SLC2A9: variants seen among roughly 807,000 people sequenced by gnomAD.
SLC2A9 encodes solute carrier family 2, facilitated glucose transporter member 9.
In SLC2A9, 39 loss-of-function variants were observed where a neutral mutation model predicts 50.6. The ratio of observed to expected loss-of-function variants is 0.77; its 90% CI spans 0.60 to 1.01. SLC2A9 has a LOEUF of 1.01. Among genes scored for constraint, SLC2A9 ranks in the 50% least tolerant of loss-of-function variants. The pLI is 0.00. For synonymous variants in SLC2A9, 324 were observed against 276.9 expected (o/e 1.17, Z -1.69); for missense variants, 686 against 677.6 (o/e 1.01, Z -0.14).
chr4:9,869,090 C>T (rs1482024170), intron 10 of SLC2A9, among the ~76,000 whole-genome samples: 3 of 152,192 alleles, frequency 2.0e-5, no homozygotes, highest in Non-Finnish European at 4.4e-5. Context: ...TATGTATTGA[C>T]AGAGCCTATT....
At chr4:10,004,911 A>C (rs1760498267) in intron 2 of SLC2A9, among the ~76,000 whole-genome samples, 1 of 152,240 alleles carries the variant, frequency 6.6e-6, no homozygotes, top group South Asian at 2.1e-4. Context: ...TGTGGTAGGT[A>C]ACCTCTAGGC....
intron 3 of SLC2A9, among the ~76,000 whole-genome samples, chr4:9,790,755 C>A (rs1469828874): frequency 6.6e-6 from 1 of 152,088 alleles, no homozygotes; most frequent in Non-Finnish European, 1.5e-5. Context: ...GGGAATAGGG[C>A]CTAAGCTTCA....
Position 9,887,650 on chromosome 4 carries a change from A to T in SLC2A9, c.1216-8T>A, listed in dbSNP as rs1295592410. ...GACCCAGGGGGCGTGGTCCTGGGAGAGAACAGGGAGTGGTCAGGTGAGGAG... is the reference window on the plus strand; with the variant it reads ...GACCCAGGGGGCGTGGTCCTGGGAGTGAACAGGGAGTGGTCAGGTGAGGAG... On this transcript the variant is annotated splice_polypyrimidine_tract_variant and splice_region_variant and intron_variant, in intron 9 of 11. Coordinates refer to ENST00000264784, the MANE Select transcript of SLC2A9 (RefSeq NM_020041.3). 3 of 1,511,498 alleles carry T rather than the reference A, an allele frequency of 2.0e-6. No homozygotes were observed. Among genetic ancestry groups the T allele is most frequent in the Non-Finnish European group, 2.7e-6 (3 of 1,126,334 alleles). The allele number at this position is 1,511,498 out of a possible 1,614,324, so 93.6% of individuals were successfully genotyped here. A position where few individuals can be genotyped will look rare whatever the true frequency, so the allele number is the denominator to read the frequency against.
At position 9,917,325 on chromosome 4, in the gene SLC2A9, C is replaced by CTTTT. The variant is rs55927201; in HGVS notation, c.1002+3056_1002+3059dup. ...CAACTTTTGAATAATTTCTTTTTTC[C>CTTTT]TTTTTTTTTTTTTTTTTTTTTTTTT... On this transcript the variant is annotated intron_variant, in intron 7 of 11. Transcript: ENST00000264784. 9.1e-3 allele frequency among the ~76,000 whole-genome samples: 749 copies of CTTTT among 81,878 alleles called. 8 individuals are homozygous for CTTTT. The highest frequency in any genetic ancestry group is 0.01 in the Non-Finnish European group (470 of 46,984). 53.7% of individuals were successfully genotyped at this position (81,878 alleles called of 152,430 possible).
chr4:9,938,522 C>T (rs1450355673), intron 6 of SLC2A9, among the ~76,000 whole-genome samples: 1 of 152,120 alleles, frequency 6.6e-6, no homozygotes, highest in Non-Finnish European at 1.5e-5. Context: ...CTGCCCACCT[C>T]GGCCTCCCAA....
intron 3 of SLC2A9, among the ~76,000 whole-genome samples, chr4:9,814,000 C>T (rs866177578): frequency 2.6e-5 from 4 of 152,014 alleles, no homozygotes; most frequent in Admixed American, 6.6e-5. Context: ...AAGATCCAGG[C>T]GTGGTGGCAC....
intron 3 of SLC2A9, among the ~76,000 whole-genome samples, chr4:9,986,244 G>A (rs1485178702): frequency 1.3e-5 from 2 of 152,190 alleles, no homozygotes; most frequent in Admixed American, 6.5e-5. Flanking sequence ...CCCATGTGGT[G>A]CTGACACCTC....
At chr4:10,038,949 G>A (rs1764193914) in intron 1 of SLC2A9, among the ~76,000 whole-genome samples, 1 of 152,210 alleles carries the variant, frequency 6.6e-6, no homozygotes, top group African/African-American at 2.4e-5. Context: ...AGCTAGCCAT[G>A]GAATTTCTGT....
chr4:9,931,675 T>G (rs947866352), intron 6 of SLC2A9, among the ~76,000 whole-genome samples: 9 of 152,032 alleles, frequency 5.9e-5, no homozygotes, highest in African/African-American at 2.2e-4. Context: ...ACAAGAAATC[T>G]CAGGGCTGAG....
chr4:9,915,260 G>A (rs1289760618), intron 7 of SLC2A9, among the ~76,000 whole-genome samples: 1 of 152,200 alleles, frequency 6.6e-6, no homozygotes, highest in Non-Finnish European at 1.5e-5. Flanking sequence ...TATTTGAGAC[G>A]GAGTTTCGCT....
intron 1 of SLC2A9, among the ~76,000 whole-genome samples, chr4:9,773,091 T>A (rs1447851226): frequency 6.6e-6 from 1 of 152,180 alleles, no homozygotes; most frequent in Non-Finnish European, 1.5e-5. Context: ...GGTGGCAAGC[T>A]CCTGAGTTAG....
chr4:9,935,649 G>A (rs759177094), intron 6 of SLC2A9, among the ~76,000 whole-genome samples: 23 of 152,194 alleles, frequency 1.5e-4, no homozygotes, highest in Admixed American at 6.5e-4. Flanking sequence ...CTGCTATGTG[G>A]AAGAACTCAA....
intron 3 of SLC2A9, chr4:9,782,011 C>A: frequency 6.9e-7 from 1 of 1,445,238 alleles, no homozygotes; most frequent in Non-Finnish European, 9.1e-7. Flanking sequence ...CACAGACCGC[C>A]CCTGCAGTCC....
intron 1 of SLC2A9, among the ~76,000 whole-genome samples, chr4:10,029,481 A>G (rs1763861306): frequency 1.3e-5 from 2 of 152,244 alleles, no homozygotes; most frequent in South Asian, 4.1e-4. Flanking sequence ...CTGTTCATTA[A>G]TGTATAAATG....
chr4:9,815,081 T>C (rs537930517), intron 3 of SLC2A9, among the ~76,000 whole-genome samples: 4 of 152,286 alleles, frequency 2.6e-5, no homozygotes, highest in Admixed American at 2.6e-4. Context: ...AATAACCCAA[T>C]GATATTTACT....
intron 1 of SLC2A9, among the ~76,000 whole-genome samples, chr4:10,029,570 T>TTTTATTTAC (rs1560510239): frequency 8.2e-6 from 1 of 122,542 alleles, no homozygotes; most frequent in Non-Finnish European, 1.8e-5. Flanking sequence ...ATTTTATTTA[T>TTTTATTTAC]TTTATATTTT....
chr4:9,787,442 C>A (rs543563775), intron 3 of SLC2A9, among the ~76,000 whole-genome samples: 1 of 152,326 alleles, frequency 6.6e-6, no homozygotes, highest in Non-Finnish European at 1.5e-5. Context: ...TTACCCAGAT[C>A]CCCCAAACAT....
At chr4:9,866,644 T>A (rs747447331) in intron 10 of SLC2A9, among the ~76,000 whole-genome samples, 1 of 152,090 alleles carries the variant, frequency 6.6e-6, no homozygotes, top group Non-Finnish European at 1.5e-5. Context: ...GGCACATCCA[T>A]GGATACGGGG....
chr4:9,855,103 C>T (rs889096159), intron 10 of SLC2A9, among the ~76,000 whole-genome samples: 13 of 152,030 alleles, frequency 8.6e-5, no homozygotes, highest in Non-Finnish European at 1.8e-4. Context: ...CTGGAAGTCC[C>T]AACTGGAACA....
Sources: allele counts gnomAD v4.1 joint callset (sites outside exome capture counted in the v4.1 genomes callset), GRCh38; gene constraint gnomAD v4.1.1; transcripts MANE v1.5; gene names NCBI Gene and HGNC (gene_info 2026-07-23, HGNC 2026-07-21).